Variants in DLG2 observed in about 807,000 individuals in gnomAD.
DLG2 encodes disks large homolog 2.
DLG2 carries 45 observed loss-of-function variants against 132.5 expected under a neutral mutation model. That is an observed-to-expected ratio of 0.34 (90% confidence interval 0.27 to 0.44). The LOEUF (loss-of-function observed/expected upper bound fraction) is 0.44. Among genes scored for constraint, DLG2 ranks in the 20% least tolerant of loss-of-function variants. DLG2 has a pLI of 1.00. For synonymous variants in DLG2, 424 were observed against 419.6 expected (o/e 1.01, Z -0.13); for missense variants, 1,045 against 1,196.9 (o/e 0.87, Z 1.87).
chr11:85,432,324 G>A (rs1434235725), intron 3 of DLG2, among the ~76,000 whole-genome samples: 1 of 152,148 alleles, frequency 6.6e-6, no homozygotes, highest in East Asian at 1.9e-4. Flanking sequence ...CGAAGGATGA[G>A]ATAGATGAAT....
chr11:84,219,148 G>A (rs2096879904), intron 8 of DLG2, among the ~76,000 whole-genome samples: 3 of 152,160 alleles, frequency 2.0e-5, no homozygotes, highest in African/African-American at 7.2e-5. Flanking sequence ...CAACCTCTGT[G>A]TTTTAGCTGG....
At chr11:83,460,970 A>G (rs1014678560) in intron 27 of DLG2, among the ~76,000 whole-genome samples, 10 of 149,866 alleles carry the variant, frequency 6.7e-5, no homozygotes, top group Admixed American at 6.6e-4. Flanking sequence ...CTAACTTCAC[A>G]TATGGTAATC....
chr11:85,547,058 G>A (rs1338807756), intron 3 of DLG2, among the ~76,000 whole-genome samples: 2 of 152,034 alleles, frequency 1.3e-5, no homozygotes, highest in African/African-American at 4.8e-5. Flanking sequence ...GATGCCAGCT[G>A]GTTATTTTGC....
At chr11:84,230,504 T>C (rs929295267) in intron 8 of DLG2, among the ~76,000 whole-genome samples, 1 of 152,232 alleles carries the variant, frequency 6.6e-6, no homozygotes, top group African/African-American at 2.4e-5. Context: ...TTTTATTAAT[T>C]TATTCAAGAA....
intron 6 of DLG2, among the ~76,000 whole-genome samples, chr11:85,001,695 T>C (rs1451517905): frequency 1.3e-5 from 2 of 152,222 alleles, no homozygotes; most frequent in African/African-American, 4.8e-5. Flanking sequence ...CACATGCTAC[T>C]ACAAATTTGT....
At chr11:85,409,286 T>C (rs189879949) in intron 3 of DLG2, among the ~76,000 whole-genome samples, 10 of 151,878 alleles carry the variant, frequency 6.6e-5, no homozygotes, top group Non-Finnish European at 8.8e-5. Context: ...CTGGTTTACA[T>C]GTAATCTGGT....
intron 3 of DLG2, among the ~76,000 whole-genome samples, chr11:85,565,733 C>T (rs1269484303): frequency 6.6e-6 from 1 of 152,064 alleles, no homozygotes; most frequent in Non-Finnish European, 1.5e-5. Flanking sequence ...GAAAATACCA[C>T]ATTTTCTTTA....
intron 19 of DLG2, among the ~76,000 whole-genome samples, chr11:83,622,869 A>G (rs559707747): frequency 1.3e-5 from 2 of 152,316 alleles, no homozygotes; most frequent in Non-Finnish European, 2.9e-5. Flanking sequence ...ATATCAGAAG[A>G]ATGTATATCC....
intron 6 of DLG2, among the ~76,000 whole-genome samples, chr11:84,911,422 A>G (rs992314346): frequency 1.3e-5 from 2 of 151,850 alleles, no homozygotes; most frequent in African/African-American, 4.8e-5. Context: ...TAAATTTAAT[A>G]TATTAAAATT....
At chr11:84,960,950 T>G (rs2052469351) in intron 6 of DLG2, among the ~76,000 whole-genome samples, 1 of 152,106 alleles carries the variant, frequency 6.6e-6, no homozygotes, top group Non-Finnish European at 1.5e-5. Flanking sequence ...CTCTAACAAG[T>G]TGAGGTTCTT....
At chr11:84,996,316 C>T (rs2057649983) in intron 6 of DLG2, among the ~76,000 whole-genome samples, 1 of 151,782 alleles carries the variant, frequency 6.6e-6, no homozygotes, top group Non-Finnish European at 1.5e-5. Context: ...CTCTTTTTTC[C>T]TCTCTCCCTT....
Position 83,755,527 on chromosome 11 carries a change from T to G in DLG2, c.1825+31163A>C, listed in dbSNP as rs80288861. On this transcript the variant is annotated intron_variant, in intron 18 of 27. Transcript: ENST00000376104. ...GTAAATATAGGAATGTTTTATTACT[T>G]TCCCAGACTCAAAAAACACTGTTTT... Among the ~76,000 whole-genome samples, 667 of 151,484 alleles carry G rather than the reference T, an allele frequency of 4.4e-3. 17 individuals are homozygous for G. The highest frequency in any genetic ancestry group is 9.1e-3 in the South Asian group (44 of 4,832).
chr11:83,778,826 T>A (rs1478543726), intron 18 of DLG2, among the ~76,000 whole-genome samples: 7 of 152,086 alleles, frequency 4.6e-5, no homozygotes, highest in Non-Finnish European at 1.0e-4. Context: ...TCAGGAATCA[T>A]CTTTTTAGTC....
intron 6 of DLG2, among the ~76,000 whole-genome samples, chr11:84,786,567 C>T (rs1299308932): frequency 2.0e-5 from 3 of 152,162 alleles, no homozygotes; most frequent in Non-Finnish European, 2.9e-5. Context: ...TCTGTTCCGC[C>T]TTCCGTCCAC....
intron 18 of DLG2, among the ~76,000 whole-genome samples, chr11:83,746,926 C>A (rs1458597315): frequency 1.3e-5 from 2 of 152,100 alleles, no homozygotes; most frequent in Admixed American, 6.5e-5. Flanking sequence ...TGGGTGCCTG[C>A]CCTAAAACCA....
chr11:83,707,437 A>AG (rs1566630929), intron 18 of DLG2, among the ~76,000 whole-genome samples: 1 of 152,184 alleles, frequency 6.6e-6, no homozygotes, highest in African/African-American at 2.4e-5. Context: ...TGGGAGGCCG[A>AG]GGGGGGCAGA....
intron 11 of DLG2, among the ~76,000 whole-genome samples, chr11:84,036,878 C>G (rs1357291612): frequency 6.6e-6 from 1 of 152,102 alleles, no homozygotes; most frequent in Non-Finnish European, 1.5e-5. Flanking sequence ...ATTTCATCAG[C>G]TAGGTCGGTG....
At chr11:85,492,255 A>C (rs1390676788) in intron 3 of DLG2, among the ~76,000 whole-genome samples, 1 of 152,204 alleles carries the variant, frequency 6.6e-6, no homozygotes. Context: ...AATTGCAGCA[A>C]AATTTGCCAT....
chr11:84,133,063 G>T (rs1472767037), intron 9 of DLG2, among the ~76,000 whole-genome samples: 1 of 152,022 alleles, frequency 6.6e-6, no homozygotes, highest in African/African-American at 2.4e-5. Context: ...TTGAATAGTT[G>T]TAAAAAATAA....
Sources: allele counts gnomAD v4.1 joint callset (sites outside exome capture counted in the v4.1 genomes callset), GRCh38; gene constraint gnomAD v4.1.1; transcripts MANE v1.5; gene names NCBI Gene and HGNC (gene_info 2026-07-23, HGNC 2026-07-21).